ZYG11B: variants seen among roughly 807,000 people sequenced by gnomAD.
ZYG11B encodes the protein zyg-11 family member B, cell cycle regulator.
Under a neutral mutation model 82.4 loss-of-function variants are expected in ZYG11B, and 36 were observed. That is an observed-to-expected ratio of 0.44 (90% CI 0.33 to 0.58). The LOEUF (loss-of-function observed/expected upper bound fraction) is 0.58, where lower values mean the gene tolerates loss of function less well. ZYG11B is among the 20% of genes least tolerant of loss of function. ZYG11B has a pLI of 0.02. For synonymous variants in ZYG11B, 303 were observed against 312.8 expected, an observed-to-expected ratio of 0.97 and a Z score of 0.33; for missense variants, 552 against 895.6, an observed-to-expected ratio of 0.62 and a Z score of 4.90.
At chr1:52,783,900 G>GTGTA in intron 4 of ZYG11B, among the ~76,000 whole-genome samples, 1 of 44,056 alleles carries the variant, frequency 2.3e-5, no homozygotes, top group African/African-American at 2.7e-4. Flanking sequence ...ATACACGTGT[G>GTGTA]TGTATATACA....
chr1:52,739,968 C>T (rs1265066716), intron 1 of ZYG11B, among the ~76,000 whole-genome samples: 1 of 152,102 alleles, frequency 6.6e-6, no homozygotes, highest in East Asian at 1.9e-4. Context: ...GTGGGATAGT[C>T]AAGAGGTTTA....
chr1:52,803,368 C>T (rs1181879467), intron 10 of ZYG11B, among the ~76,000 whole-genome samples: 1 of 135,282 alleles, frequency 7.4e-6, no homozygotes, highest in South Asian at 2.5e-4. Context: ...ATCTGGGAGG[C>T]GGAGGTTGCA....
At position 52,746,823 on chromosome 1, in the gene ZYG11B, C is replaced by G. The variant is rs111464271; in HGVS notation, c.31-9635C>G. The stretch of plus-strand genomic sequence containing the variant: ...TGAGGTAATTACAGGGCTTCATTAT[C>G]TCTTCTGACCATAATTAACAGATCT... On this transcript the variant is annotated intron_variant, in intron 1 of 13. Transcript: ENST00000294353. 5.9e-3 allele frequency among the ~76,000 whole-genome samples: 846 copies of G among 144,438 alleles called. 5 individuals are homozygous for G. The highest frequency in any genetic ancestry group is 0.02 in the African/African-American group (795 of 39,068). 94.8% of individuals were successfully genotyped at this position (144,438 alleles called of 152,430 possible).
chr1:52,791,360 T>TTTTTA (rs1054801880), intron 6 of ZYG11B, among the ~76,000 whole-genome samples: 2 of 151,992 alleles, frequency 1.3e-5, no homozygotes, highest in Non-Finnish European at 2.9e-5. Context: ...CAGCAGCAAT[T>TTTTTA]TTTTATTTTA....
rs577880656 is a variant in ZYG11B at position 52,826,904 on chromosome 1, C to G, written c.*5275C>G. 3.9e-4 allele frequency: 60 copies of G among 152,156 alleles called. No individual in the cohort carries two copies. The highest frequency in any genetic ancestry group is 6.5e-4 in the Non-Finnish European group (44 of 68,032). The allele number at this position is 152,156 out of a possible 1,614,324, so 9.4% of individuals were successfully genotyped here. ...TTTTAAGCAGCCTAGAAGGAAGAAG[C>G]TACTTAGCTAATGAAAGCTGAGACA... On this transcript the variant is annotated 3_prime_UTR_variant, in exon 14 of 14. Transcript: ENST00000294353.
intron 10 of ZYG11B, among the ~76,000 whole-genome samples, chr1:52,802,551 A>C (rs1455870167): frequency 6.6e-6 from 1 of 151,468 alleles, no homozygotes. Context: ...GGGTTTTGCC[A>C]TGTTGCCCAG....
intron 2 of ZYG11B, among the ~76,000 whole-genome samples, chr1:52,764,086 TG>T (rs1644659546): frequency 6.6e-6 from 1 of 151,728 alleles, no homozygotes; most frequent in Non-Finnish European, 1.5e-5. Context: ...AAGAAGCCCT[TG>T]AGTTATCATT....
Position 52,771,807 on chromosome 1 carries a change from C to T in ZYG11B, c.951+33C>T, listed in dbSNP as rs750532815. ...TTTAAAAATGTATTATTTTGTCAGGCTGACCAATATCTTAGTTGCATAAGA... is the reference window on the plus strand; with the variant it reads ...TTTAAAAATGTATTATTTTGTCAGGTTGACCAATATCTTAGTTGCATAAGA... On this transcript the variant is annotated intron_variant, in intron 3 of 13. Transcript: ENST00000294353. This position sits in a 1 kb window ranked among gnomAD's most constrained non-coding sequence, Gnocchi z 5.4. The T allele has an allele frequency of 1.9e-6, 3 of 1,574,426 alleles. No homozygotes were observed. Among genetic ancestry groups the T allele is most frequent in the Non-Finnish European group, 2.6e-6 (3 of 1,161,756 alleles).
In ZYG11B at chr1:52,776,229, A is replaced by AAAATATATATATATATATATAT; in HGVS notation, c.952-3623_952-3622insAATATATATATATATATATATA. Among the ~76,000 whole-genome samples the AAAATATATATATATATATATAT allele has an allele frequency of 2.6e-3, 62 of 23,528 alleles. 6 individuals carry two copies. Among genetic ancestry groups the AAAATATATATATATATATATAT allele is most frequent in the South Asian group, 9.5e-3 (4 of 420 alleles). The allele number at this position is 23,528 out of a possible 152,430, so 15.4% of individuals were successfully genotyped here. The stretch of plus-strand genomic sequence containing the variant: ...AGCAAAACTCTGTCTTAAAAAAAAA[A>AAAATATATATATATATATATAT]ATATATATATATATATGCAATAAAG... On this transcript the variant is annotated intron_variant, in intron 3 of 13. Transcript: ENST00000294353.
At chr1:52,750,697 T>G (rs1644514469) in intron 1 of ZYG11B, among the ~76,000 whole-genome samples, 1 of 152,148 alleles carries the variant, frequency 6.6e-6, no homozygotes, top group Admixed American at 6.6e-5. Flanking sequence ...ATAGCCACAA[T>G]CAATTTTAGA....
chr1:52,765,544 C>A (rs1644675473), intron 2 of ZYG11B, among the ~76,000 whole-genome samples: 1 of 152,070 alleles, frequency 6.6e-6, no homozygotes, highest in Admixed American at 6.6e-5. Context: ...CTTACTCTGT[C>A]ACCCAAGCTA....
rs977295532 is a variant in ZYG11B, at chr1:52,796,387, C to G, written c.1430C>G (p.Ala477Gly). ...GTTGCTATCATTTCTATCCTGGCTG[C>G]CAAGGTACCTGAACTCTTGCTGAAT... ...MAVAIISILA[A>G]KLSTEQTAQL... Residue 477 changes from alanine to glycine, a missense_variant, in exon 7 of 14, where the codon GCC (alanine) becomes GGC (glycine). By Grantham distance (60) the Ala-to-Gly change is moderately conservative. This residue lies in a region of ZYG11B where 66 missense variants were observed against 176.4 expected (regional missense o/e 0.37). Coordinates refer to ENST00000294353, the MANE Select transcript of ZYG11B (RefSeq NM_024646.3). 1 of 1,612,516 alleles carries G rather than the reference C, an allele frequency of 6.2e-7. No homozygotes were observed. The highest frequency in any genetic ancestry group is 8.5e-7 in the Non-Finnish European group (1 of 1,178,922).
intron 3 of ZYG11B, chr1:52,772,287 C>G (rs1430657424): frequency 1.5e-6 from 2 of 1,342,650 alleles, no homozygotes; most frequent in Admixed American, 3.4e-5. Context: ...AACGGTGAAT[C>G]TGGCTCTCTA....
chr1:52,783,904 A>ATATGTACATACACGTGTGTG (rs1558132749), intron 4 of ZYG11B, among the ~76,000 whole-genome samples: 1 of 68,164 alleles, frequency 1.5e-5, no homozygotes, highest in Non-Finnish European at 3.2e-5. Flanking sequence ...ACGTGTGTGT[A>ATATGTACATACACGTGTGTG]TATACATCTA....
intron 5 of ZYG11B, 83 bp downstream of exon 5, chr1:52,785,136 C>T: frequency 7.0e-7 from 1 of 1,436,224 alleles, no homozygotes; most frequent in East Asian, 2.3e-5. Flanking sequence ...TAGACCAAGG[C>T]TGGAAATTCA....
intron 1 of ZYG11B, among the ~76,000 whole-genome samples, chr1:52,742,468 TAGAAAA>T (rs1644438121): frequency 1.3e-5 from 2 of 150,526 alleles, no homozygotes; most frequent in South Asian, 2.1e-4. Context: ...AAATAAAAGA[TAGAAAA>T]AGAGATGTAA....
rs754494428 is a variant in ZYG11B at position 52,784,861 on chromosome 1, A to G, written c.1093-16A>G. The G allele has an allele frequency of 6.2e-7, 1 of 1,611,040 alleles. No individual in the cohort carries two copies. Among genetic ancestry groups the G allele is most frequent in the Non-Finnish European group, 8.5e-7 (1 of 1,179,016 alleles). On this transcript the variant is annotated splice_polypyrimidine_tract_variant and intron_variant, in intron 4 of 13. Transcript: ENST00000294353. ...ATTTATAAGGTGAATTAAGAGGACT[A>G]ATTTTTTTTTTCCAGCTTGTGGTTA...
chr1:52,748,994 A>G (rs1415336587), intron 1 of ZYG11B, among the ~76,000 whole-genome samples: 1 of 152,022 alleles, frequency 6.6e-6, no homozygotes, highest in Non-Finnish European at 1.5e-5. Flanking sequence ...TGAGGTCAGG[A>G]GTTCAAGACC....
rs1210672658 is a variant in ZYG11B at position 52,803,133 on chromosome 1, TAC to T, written c.1695+1000_1695+1001del. Among the ~76,000 whole-genome samples, 30 of 65,304 alleles carry T rather than the reference TAC, an allele frequency of 4.6e-4. 1 individual carries two copies. Among genetic ancestry groups the T allele is most frequent in the East Asian group, 8.3e-4 (1 of 1,208 alleles). The allele number at this position is 65,304 out of a possible 152,430, so 42.8% of individuals were successfully genotyped here. On this transcript the variant is annotated intron_variant, in intron 10 of 13. Coordinates refer to ENST00000294353, the MANE Select transcript of ZYG11B (RefSeq NM_024646.3). ...ATATATATATACACACATATATATATACACACATATATATATATATACACATA... is the reference window on the plus strand; with the variant it reads ...ATATATATATACACACATATATATATACACATATATATATATATACACATA...
Sources: allele counts gnomAD v4.1 joint callset (sites outside exome capture counted in the v4.1 genomes callset), GRCh38; gene constraint gnomAD v4.1.1; regional missense constraint gnomAD v4.1.1; non-coding constraint Gnocchi (gnomAD v3.1); transcripts MANE v1.5; gene names NCBI Gene and HGNC (gene_info 2026-07-23, HGNC 2026-07-21).